TENM4: variants seen among roughly 807,000 people sequenced by gnomAD.
TENM4 encodes the protein teneurin-4.
Under a neutral mutation model 243.3 loss-of-function variants are expected in TENM4, and 82 were observed. That is an observed-to-expected ratio of 0.34 (90% CI 0.28 to 0.40). TENM4 has a LOEUF of 0.40. Among genes scored for constraint, TENM4 ranks in the 10% least tolerant of loss-of-function variants. TENM4 has a pLI of 1.00. For synonymous variants in TENM4, 1,412 were observed against 1,456.3 expected, an observed-to-expected ratio of 0.97 and a Z score of 0.69; for missense variants, 3,138 against 3,673.3, an observed-to-expected ratio of 0.85 and a Z score of 3.77.
chr11:78,932,116 T>C (rs1023583393), intron 6 of TENM4, among the ~76,000 whole-genome samples: 7 of 152,228 alleles, frequency 4.6e-5, no homozygotes, highest in African/African-American at 1.7e-4. Flanking sequence ...TTAGCCATTG[T>C]TGTCATTACT....
chr11:78,684,475 G>A lies in TENM4; in HGVS notation c.5260+3579C>T, dbSNP rs575571267. Among the ~76,000 whole-genome samples the A allele has an allele frequency of 3.3e-5, 5 of 152,316 alleles. No individual in the cohort carries two copies. The East Asian group carries it at 9.6e-4, about 29-fold the overall frequency. ...CTGGCACTGTGCTAGTCACTGTCATGTGTGTCTCTTGTCTCTCCTCTATCT... is the reference window on the plus strand; with the variant it reads ...CTGGCACTGTGCTAGTCACTGTCATATGTGTCTCTTGTCTCTCCTCTATCT... On this transcript the variant is annotated intron_variant, in intron 29 of 33. Transcript: ENST00000278550.
chr11:78,693,338 C>A (rs907484230), intron 28 of TENM4, among the ~76,000 whole-genome samples: 1 of 152,164 alleles, frequency 6.6e-6, no homozygotes, highest in Non-Finnish European at 1.5e-5. Flanking sequence ...AGAGGATAAG[C>A]AACTTGCCTA....
intron 6 of TENM4, among the ~76,000 whole-genome samples, chr11:78,988,607 T>C (rs1038326461): frequency 6.6e-6 from 1 of 152,224 alleles, no homozygotes; most frequent in African/African-American, 2.4e-5. Context: ...AGAGCTCAGA[T>C]GCAGGTAGCT....
intron 1 of TENM4, among the ~76,000 whole-genome samples, chr11:79,400,677 C>G (rs1405032749): frequency 2.6e-5 from 4 of 152,200 alleles, no homozygotes; most frequent in African/African-American, 9.7e-5. Flanking sequence ...GTGCCTGTGT[C>G]ACAGAGCTGC....
chr11:78,719,079 A>G (rs1365379309), intron 25 of TENM4, among the ~76,000 whole-genome samples: 1 of 152,092 alleles, frequency 6.6e-6, no homozygotes, highest in South Asian at 2.1e-4. Context: ...TACTACTACT[A>G]TTTCTGGAGC....
intron 2 of TENM4, among the ~76,000 whole-genome samples, chr11:79,256,179 C>T (rs1268753810): frequency 6.6e-6 from 1 of 152,138 alleles, no homozygotes; most frequent in East Asian, 1.9e-4. Flanking sequence ...GCATCTTCTC[C>T]TGTAGCCATA....
chr11:78,940,985 C>A (rs543934718), intron 6 of TENM4, among the ~76,000 whole-genome samples: 3 of 152,186 alleles, frequency 2.0e-5, no homozygotes, highest in Non-Finnish European at 2.9e-5. Context: ...ACCAAAAGAA[C>A]CTGACAAATT....
intron 20 of TENM4, among the ~76,000 whole-genome samples, chr11:78,736,479 T>TGTGTGTGTGTGCGTGC (rs796898751): frequency 1.0e-5 from 1 of 99,334 alleles, no homozygotes; most frequent in African/African-American, 3.0e-5. Context: ...TGTGTGTGTG[T>TGTGTGTGTGTGCGTGC]GCGCGCGCGT....
intron 12 of TENM4, among the ~76,000 whole-genome samples, chr11:78,842,977 C>T (rs1158319303): frequency 1.3e-5 from 2 of 151,480 alleles, no homozygotes; most frequent in Non-Finnish European, 2.9e-5. Flanking sequence ...AGTTCAAAAC[C>T]AGTCGGGGTA....
intron 4 of TENM4, among the ~76,000 whole-genome samples, chr11:79,132,186 C>CA (rs552066939): frequency 0.019 from 2,809 of 145,386 alleles, 27 homozygotes; most frequent in African/African-American, 0.023. Context: ...ACTAAAAATA[C>CA]AAAAAAAAAA....
At chr11:78,662,154 C>T (rs1236099991) in intron 32 of TENM4, among the ~76,000 whole-genome samples, 2 of 151,998 alleles carry the variant, frequency 1.3e-5, no homozygotes, top group Non-Finnish European at 2.9e-5. Flanking sequence ...ACTCTGACAG[C>T]CCAAGGATGC....
chr11:79,127,336 C>G (rs1861901177), intron 4 of TENM4, among the ~76,000 whole-genome samples: 2 of 151,632 alleles, frequency 1.3e-5, no homozygotes, highest in African/African-American at 2.4e-5. Flanking sequence ...CTGTTCAACT[C>G]TCTCATTTGG....
At chr11:79,311,841 T>C (rs1188112529) in intron 1 of TENM4, among the ~76,000 whole-genome samples, 1 of 152,202 alleles carries the variant, frequency 6.6e-6, no homozygotes, top group East Asian at 1.9e-4. Flanking sequence ...GTGTGAAACA[T>C]TGCCCTGCAA....
At chr11:78,921,987 C>A (rs562292186) in intron 6 of TENM4, among the ~76,000 whole-genome samples, 12 of 152,320 alleles carry the variant, frequency 7.9e-5, no homozygotes, top group Admixed American at 3.9e-4. Flanking sequence ...GGCTTACAGA[C>A]AACAGCCCTA....
intron 3 of TENM4, among the ~76,000 whole-genome samples, chr11:79,149,151 A>G (rs1862447408): frequency 1.3e-5 from 2 of 152,084 alleles, no homozygotes; most frequent in African/African-American, 4.8e-5. Context: ...TTAGGGAGAG[A>G]GAATCTCCAG....
chr11:79,402,001 A>C (rs2135557399), intron 1 of TENM4: 1 of 389,880 alleles, frequency 2.6e-6, no homozygotes, highest in East Asian at 6.7e-5. Context: ...CAGGGTGAGA[A>C]GAGAGATGAC....
At chr11:78,842,117 A>C (rs1039096132) in intron 12 of TENM4, among the ~76,000 whole-genome samples, 2 of 152,108 alleles carry the variant, frequency 1.3e-5, no homozygotes, top group Admixed American at 1.3e-4. Flanking sequence ...GTCAAGACCT[A>C]CTTACCCATC....
At chr11:79,297,134 G>A (rs1219026698) in intron 2 of TENM4, among the ~76,000 whole-genome samples, 1 of 152,146 alleles carries the variant, frequency 6.6e-6, no homozygotes, top group East Asian at 1.9e-4. Context: ...CCAAACAGTT[G>A]GGTCTATTGA....
At chr11:79,047,800 C>T (rs1859695456) in intron 6 of TENM4, among the ~76,000 whole-genome samples, 1 of 150,882 alleles carries the variant, frequency 6.6e-6, no homozygotes, top group African/African-American at 2.4e-5. Context: ...TCTGTAGCTG[C>T]AAAAAAAGAA....
Sources: gnomAD v4.1 joint callset for allele counts (sites outside exome capture counted in the v4.1 genomes callset) on GRCh38, gnomAD v4.1.1 for gene constraint, MANE v1.5 for transcripts, NCBI Gene and HGNC (gene_info 2026-07-23, HGNC 2026-07-21) for gene names.